The following INSR variants were observed in gnomAD, a reference collection of about 807,000 sequenced individuals.
The protein encoded by INSR is IR.
Under a neutral mutation model 142.6 loss-of-function variants are expected in INSR, and 67 were observed. The observed-to-expected ratio is 0.47, with a 90% CI of 0.39 to 0.58. INSR has a LOEUF of 0.58. INSR is among the 20% of genes least tolerant of loss of function. The probability of loss-of-function intolerance (pLI) is 0.00; values close to 1 mark genes in which losing one functional copy is unlikely to be tolerated. For missense variants in INSR, 1,248 were observed against 1,833.2 expected, an observed-to-expected ratio of 0.68 and a Z score of 5.83; for synonymous variants, 756 against 743.1, an observed-to-expected ratio of 1.02 and a Z score of -0.28.
chr19:7,172,069 A>G (rs527881988), intron 5 of INSR, among the ~76,000 whole-genome samples: 10 of 151,712 alleles, frequency 6.6e-5, no homozygotes, highest in African/African-American at 2.4e-4. Context: ...GCACTATCAC[A>G]CTTGGCTAAT....
intron 1 of INSR, among the ~76,000 whole-genome samples, chr19:7,292,743 C>A (rs981309585): frequency 6.6e-6 from 1 of 152,154 alleles, no homozygotes; most frequent in African/African-American, 2.4e-5. Flanking sequence ...TAAATGATTG[C>A]GCCATCTTCA....
intron 2 of INSR, among the ~76,000 whole-genome samples, chr19:7,224,150 G>T (rs947425357): frequency 2.6e-5 from 4 of 151,620 alleles, no homozygotes; most frequent in African/African-American, 9.7e-5. Flanking sequence ...CACCACGTTG[G>T]CCAGGATGGT....
chr19:7,137,948 T>G (rs1206485471), intron 13 of INSR, among the ~76,000 whole-genome samples: 1 of 150,494 alleles, frequency 6.6e-6, no homozygotes, highest in Admixed American at 6.6e-5. Context: ...GGATTCCTTT[T>G]TCTTCTTTTT....
chr19:7,229,987 T>G (rs1340468938), intron 2 of INSR, among the ~76,000 whole-genome samples: 1 of 152,058 alleles, frequency 6.6e-6, no homozygotes, highest in Non-Finnish European at 1.5e-5. Context: ...AGATGGGGTC[T>G]TGCTGTGTTG....
At position 7,184,183 on chromosome 19, in the gene INSR, T is replaced by TCTGAGAG. The variant is rs1568469993; in HGVS notation, c.974+126_974+132dup. The TCTGAGAG allele has an allele frequency of 6.5e-6, 5 of 772,646 alleles. No individual in the cohort carries two copies. In the African/African-American group the frequency reaches 8.6e-5, roughly 13 times the overall value. 47.9% of individuals were successfully genotyped at this position (772,646 alleles called of 1,614,324 possible). A position where few individuals can be genotyped will look rare whatever the true frequency, so the allele number is the denominator to read the frequency against. ...ACCAAAACAGGGTGCAAAAGTAGCA[T>TCTGAGAG]CTGAGAGCAGAGACCTCACTCATAG... On this transcript the variant is annotated intron_variant, in intron 3 of 21. Coordinates refer to ENST00000302850, the MANE Select transcript of INSR (RefSeq NM_000208.4).
intron 2 of INSR, among the ~76,000 whole-genome samples, chr19:7,190,649 C>T (rs1428190722): frequency 1.3e-5 from 2 of 152,118 alleles, no homozygotes; most frequent in African/African-American, 4.8e-5. Flanking sequence ...GGATTACAGG[C>T]GTGAGCCACC....
At chr19:7,276,037 G>A (rs1408433115) in intron 1 of INSR, among the ~76,000 whole-genome samples, 2 of 152,114 alleles carry the variant, frequency 1.3e-5, no homozygotes, top group Non-Finnish European at 2.9e-5. Flanking sequence ...CAGGGGAGAT[G>A]GGTTGGGAGC....
At chr19:7,170,121 A>C (rs1238642109) in intron 6 of INSR, among the ~76,000 whole-genome samples, 1 of 151,738 alleles carries the variant, frequency 6.6e-6, no homozygotes, top group Non-Finnish European at 1.5e-5. Context: ...ATTTACAGTC[A>C]CTCCCCATCG....
In INSR at chr19:7,253,220, ATTTATTTATTTG is replaced by A. The variant is rs200116394; in HGVS notation, c.652+14113_652+14124del. On this transcript the variant is annotated intron_variant, in intron 2 of 21. Transcript: ENST00000302850. ...CACATGCCCTACAGTGTAATTTTTT[ATTTATTTATTTG>A]TTTATTTATTTATTTAATTATTTGA... 8.8e-3 allele frequency among the ~76,000 whole-genome samples: 1,244 copies of A among 140,610 alleles called. 5 individuals are homozygous for A. Among genetic ancestry groups the A allele is most frequent in the Middle Eastern group, 0.015 (4 of 270 alleles). The allele number at this position is 140,610 out of a possible 152,430, so 92.2% of individuals were successfully genotyped here. A position where few individuals can be genotyped will look rare whatever the true frequency, so the allele number is the denominator to read the frequency against.
chr19:7,274,353 G>A (rs1046864365), intron 1 of INSR, among the ~76,000 whole-genome samples: 14 of 151,838 alleles, frequency 9.2e-5, no homozygotes, highest in Non-Finnish European at 1.8e-4. Flanking sequence ...GTGCAGCCCA[G>A]CTCCTAACAG....
chr19:7,117,018 A>T lies in INSR; in HGVS notation c.*38T>A, dbSNP rs375199583. Reference sequence around the variant, plus strand: ...GCTTTCAAACCAGAGGAAAGCGAAAATGGGAACCCCTGCCCGCCCCCGCCA... The same window carrying T: ...GCTTTCAAACCAGAGGAAAGCGAAATTGGGAACCCCTGCCCGCCCCCGCCA... On this transcript the variant is annotated 3_prime_UTR_variant, in exon 22 of 22. Transcript: ENST00000302850. The T allele has an allele frequency of 2.0e-5, 31 of 1,528,900 alleles. No individual in the cohort carries two copies. Among genetic ancestry groups the T allele is most frequent in the Non-Finnish European group, 2.8e-5 (31 of 1,102,478 alleles). The allele number at this position is 1,528,900 out of a possible 1,614,324, so 94.7% of individuals were successfully genotyped here. A position where few individuals can be genotyped will look rare whatever the true frequency, so the allele number is the denominator to read the frequency against.
chr19:7,179,051 C>T (rs1974210670), intron 3 of INSR, among the ~76,000 whole-genome samples: 1 of 152,150 alleles, frequency 6.6e-6, no homozygotes, highest in South Asian at 2.1e-4. Flanking sequence ...CCTGGGACTA[C>T]AGGCATGCAC....
rs72549236 is a variant in INSR at position 7,174,570 on chromosome 19, C to A, written c.1123+13G>T. The A allele has an allele frequency of 6.5e-3, 10,490 of 1,613,906 alleles. 51 individuals are homozygous for A. The highest frequency in any genetic ancestry group is 7.4e-3 in the Non-Finnish European group (8,692 of 1,179,890). On this transcript the variant is annotated intron_variant, in intron 4 of 21. Coordinates refer to ENST00000302850, the MANE Select transcript of INSR (RefSeq NM_000208.4). The stretch of plus-strand genomic sequence containing the variant: ...CCAACAGGCACCCCCGACGCCCACA[C>A]AGAGACACTCACTGCCTCCTCGAAT...
intron 14 of INSR, among the ~76,000 whole-genome samples, chr19:7,129,393 C>T (rs367942138): frequency 1.2e-4 from 19 of 152,318 alleles, no homozygotes; most frequent in East Asian, 5.8e-4. Flanking sequence ...GGCACGATCT[C>T]GGCTCACTGG....
chr19:7,234,469 A>G (rs1166079007), intron 2 of INSR, among the ~76,000 whole-genome samples: 1 of 152,126 alleles, frequency 6.6e-6, no homozygotes, highest in Non-Finnish European at 1.5e-5. Context: ...CTGCTTCCCA[A>G]TGTGCTGGGA....
Position 7,173,648 on chromosome 19 carries a change from C to G in INSR, c.1123+935G>C, listed in dbSNP as rs538723142. On this transcript the variant is annotated intron_variant, in intron 4 of 21. Transcript: ENST00000302850. Reference sequence around the variant, plus strand: ...TTTTTTTTTTTTTTTGAGATGGAGTCTCACTCTGTCGCCCAGGCTAGAGTG... The same window carrying G: ...TTTTTTTTTTTTTTTGAGATGGAGTGTCACTCTGTCGCCCAGGCTAGAGTG... 3.7e-5 allele frequency among the ~76,000 whole-genome samples: 4 copies of G among 109,516 alleles called. No homozygotes were observed. In the South Asian group the frequency reaches 1.4e-3, roughly 37 times the overall value. 71.8% of individuals were successfully genotyped at this position (109,516 alleles called of 152,430 possible).
chr19:7,165,038 A>C (rs1385946819), intron 8 of INSR, among the ~76,000 whole-genome samples: 1 of 152,068 alleles, frequency 6.6e-6, no homozygotes, highest in African/African-American at 2.4e-5. Context: ...GAGGCAGGAG[A>C]ATCACTTGAA....
chr19:7,225,091 G>C lies in INSR; in HGVS notation c.653-40454C>G, dbSNP rs1390487720. Among the ~76,000 whole-genome samples the C allele has an allele frequency of 1.3e-5, 2 of 152,124 alleles. No individual in the cohort carries two copies. Among genetic ancestry groups the C allele is most frequent in the East Asian group, 1.9e-4 (1 of 5,192 alleles). The stretch of plus-strand genomic sequence containing the variant: ...GTGGCCACATGCTGTGTAACACTTA[G>C]AGTTTCCTATGCACCCAGCACTATT... On this transcript the variant is annotated intron_variant, in intron 2 of 21. Coordinates refer to ENST00000302850, the MANE Select transcript of INSR (RefSeq NM_000208.4). The surrounding 1 kb of genome is among the most constrained non-coding windows in gnomAD (Gnocchi z 4.7).
chr19:7,196,731 C>T (rs1974757255), intron 2 of INSR, among the ~76,000 whole-genome samples: 1 of 151,074 alleles, frequency 6.6e-6, no homozygotes. Flanking sequence ...TAAAACTTTC[C>T]GAAGTTTAAA....
Sources: gnomAD v4.1 joint callset for allele counts (sites outside exome capture counted in the v4.1 genomes callset) on GRCh38, gnomAD v4.1.1 for gene constraint, Gnocchi (gnomAD v3.1) non-coding constraint, MANE v1.5 for transcripts, NCBI Gene and HGNC (gene_info 2026-07-23, HGNC 2026-07-21) for gene names.